The following CNTN4 variants were observed in gnomAD, a reference collection of about 807,000 sequenced individuals.
CNTN4 encodes the protein contactin 4.
CNTN4 carries 77 observed loss-of-function variants against 122.5 expected under a neutral mutation model. The observed-to-expected ratio is 0.63, with a 90% CI of 0.52 to 0.76. The LOEUF (loss-of-function observed/expected upper bound fraction) is 0.76. CNTN4 is among the 30% of genes least tolerant of loss of function. CNTN4 has a pLI of 0.00. For missense variants in CNTN4, 1,256 were observed against 1,259.1 expected (o/e 1.00, Z 0.04); for synonymous variants, 512 against 447.0 (o/e 1.15, Z -1.83).
At chr3:3,037,466 A>G in intron 18 of CNTN4, 138 bp downstream of exon 18, 1 of 1,253,054 alleles carries the variant, frequency 8.0e-7, no homozygotes. Flanking sequence ...TTATAATGAT[A>G]GAAATCAGGC....
At chr3:3,021,531 A>G (rs1166085923) in intron 14 of CNTN4, among the ~76,000 whole-genome samples, 1 of 152,120 alleles carries the variant, frequency 6.6e-6, no homozygotes, top group Non-Finnish European at 1.5e-5. Context: ...AAAAGATACA[A>G]CTCTACTGAA....
chr3:2,642,291 C>T (rs565035160), intron 4 of CNTN4, among the ~76,000 whole-genome samples: 52 of 152,282 alleles, frequency 3.4e-4, no homozygotes, highest in African/African-American at 1.1e-3. Context: ...CTACACTCTG[C>T]CTGCTTTTAT....
intron 3 of CNTN4, among the ~76,000 whole-genome samples, chr3:2,472,070 C>T (rs1462810803): frequency 6.6e-6 from 1 of 151,432 alleles, no homozygotes; most frequent in Non-Finnish European, 1.5e-5. Context: ...ACAAAATTAG[C>T]CGGGGGTGGT....
intron 8 of CNTN4, among the ~76,000 whole-genome samples, chr3:2,882,418 G>T (rs544375151): frequency 1.2e-3 from 190 of 152,058 alleles, no homozygotes; most frequent in Admixed American, 2.4e-3. Flanking sequence ...GTATTTAATT[G>T]CAAAGCATGG....
At chr3:2,159,770 A>G (rs763952762) in intron 2 of CNTN4, among the ~76,000 whole-genome samples, 1 of 151,520 alleles carries the variant, frequency 6.6e-6, no homozygotes, top group Non-Finnish European at 1.5e-5. Context: ...TGAATGGATT[A>G]TGTTTGTCCC....
chr3:3,036,747 TCAGA>T (rs1480796624), intron 17 of CNTN4, among the ~76,000 whole-genome samples: 5 of 106,522 alleles, frequency 4.7e-5, no homozygotes, highest in African/African-American at 1.9e-4. Context: ...ACCCTGGGCA[TCAGA>T]GAGAGAGAGA....
At chr3:2,899,926 G>A (rs1262365027) in intron 10 of CNTN4, among the ~76,000 whole-genome samples, 2 of 152,062 alleles carry the variant, frequency 1.3e-5, no homozygotes, top group East Asian at 1.9e-4. Flanking sequence ...ACAACATGTG[G>A]GAGTGAAGTA....
At chr3:2,472,392 A>G (rs868541908) in intron 3 of CNTN4, among the ~76,000 whole-genome samples, 1 of 151,996 alleles carries the variant, frequency 6.6e-6, no homozygotes, top group African/African-American at 2.4e-5. Context: ...TGCATGCATC[A>G]CTGCACCCAG....
chr3:2,698,495 C>T (rs1164701865), intron 4 of CNTN4, among the ~76,000 whole-genome samples: 2 of 151,986 alleles, frequency 1.3e-5, no homozygotes, highest in Admixed American at 6.6e-5. Context: ...GAGCCTTGTA[C>T]TTATTTTACA....
chr3:2,979,170 C>G (rs74548822), intron 13 of CNTN4, among the ~76,000 whole-genome samples: 7,456 of 152,204 alleles, frequency 0.049, 511 homozygotes, highest in African/African-American at 0.14. Flanking sequence ...AGTTTCCTAT[C>G]TCTTGAGGCA....
rs55748104 is a variant in CNTN4 at position 2,519,783 on chromosome 3, C to T, written c.-88-51633C>T. 4.3e-4 allele frequency among the ~76,000 whole-genome samples: 66 copies of T among 152,254 alleles called. 1 individual carries two copies. The Middle Eastern group carries it at 0.01, about 24-fold the overall frequency. ...ATTTTTAAAATGTGTGAAAGCTAAA[C>T]GCATCTATCGAATTCATAACATCCA... On this transcript the variant is annotated intron_variant, in intron 3 of 24. Transcript: ENST00000418658.
At position 3,056,357 on chromosome 3, in the gene CNTN4, G is replaced by C. The variant is rs163352; in HGVS notation, c.*137G>C. On this transcript the variant is annotated 3_prime_UTR_variant, in exon 25 of 25. Coordinates refer to ENST00000418658, the MANE Select transcript of CNTN4 (RefSeq NM_175607.3). ...AATAAAAATGTTTTTTGCTTCTTTA[G>C]GAATGGCATTATACAGTACTTCCTC... 0.77 allele frequency: 559,783 copies of C among 724,192 alleles called. 218,562 individuals are homozygous for C. The highest frequency in any genetic ancestry group is 0.86 in the East Asian group (31,615 of 36,638). 44.9% of individuals were successfully genotyped at this position (724,192 alleles called of 1,614,324 possible). A position where few individuals can be genotyped will look rare whatever the true frequency, so the allele number is the denominator to read the frequency against.
chr3:2,968,800 G>C (rs1559732185), intron 13 of CNTN4, among the ~76,000 whole-genome samples: 2 of 152,144 alleles, frequency 1.3e-5, no homozygotes, highest in Admixed American at 1.3e-4. Context: ...CACCCATGTT[G>C]ACCCCCTTCT....
At chr3:2,579,759 G>T (rs2079853296) in intron 4 of CNTN4, among the ~76,000 whole-genome samples, 1 of 152,098 alleles carries the variant, frequency 6.6e-6, no homozygotes, top group African/African-American at 2.4e-5. Context: ...TAATATATAT[G>T]TTAAATGTTA....
At chr3:2,807,096 A>T (rs1308913617) in intron 6 of CNTN4, among the ~76,000 whole-genome samples, 1 of 152,188 alleles carries the variant, frequency 6.6e-6, no homozygotes, top group Admixed American at 6.5e-5. Context: ...TGTCTAAAAC[A>T]GTGGCTGGCA....
intron 3 of CNTN4, among the ~76,000 whole-genome samples, chr3:2,410,572 T>G (rs1445400845): frequency 1.3e-5 from 2 of 152,214 alleles, no homozygotes; most frequent in Non-Finnish European, 2.9e-5. Flanking sequence ...ATATTCTGTC[T>G]CATAACCTCA....
At chr3:2,594,400 G>A (rs2616598) in intron 4 of CNTN4, among the ~76,000 whole-genome samples, 146,509 of 150,474 alleles carry the variant, frequency 0.97, 71,455 homozygotes, top group Middle Eastern at 1. Flanking sequence ...GTTAACCAGG[G>A]TATAATAAAA....
chr3:2,640,015 A>G (rs1404434150), intron 4 of CNTN4, among the ~76,000 whole-genome samples: 2 of 152,236 alleles, frequency 1.3e-5, no homozygotes, highest in Non-Finnish European at 2.9e-5. Flanking sequence ...CAATGAACCA[A>G]AAGTACAGTG....
At chr3:3,006,856 T>C (rs1172342225) in intron 14 of CNTN4, among the ~76,000 whole-genome samples, 1 of 152,210 alleles carries the variant, frequency 6.6e-6, no homozygotes, top group Non-Finnish European at 1.5e-5. Flanking sequence ...ATTTTCTCTG[T>C]CAAACATCTA....
Sources: allele counts gnomAD v4.1 joint callset (sites outside exome capture counted in the v4.1 genomes callset), GRCh38; gene constraint gnomAD v4.1.1; transcripts MANE v1.5; gene names NCBI Gene and HGNC (gene_info 2026-07-23, HGNC 2026-07-21).